The following CEP128 variants were observed in gnomAD, a reference collection of about 807,000 sequenced individuals.
CEP128 encodes the protein centrosomal protein 128kDa.
In CEP128, 132 loss-of-function variants were observed where a neutral mutation model predicts 156.7. The observed-to-expected ratio is 0.84, with a 90% CI of 0.73 to 0.97. CEP128 has a LOEUF of 0.97. CEP128 is among the 50% of genes least tolerant of loss of function. The pLI is 0.00. For synonymous variants in CEP128, 469 were observed against 448.9 expected (o/e 1.04, Z -0.57); for missense variants, 1,252 against 1,281.9 (o/e 0.98, Z 0.36).
chr14:80,643,882 T>C lies in CEP128; in HGVS notation c.2807-63459A>G, dbSNP rs79987362. Among the ~76,000 whole-genome samples the C allele has an allele frequency of 3.3e-5, 5 of 152,264 alleles. No individual in the cohort carries two copies. The East Asian group carries it at 9.7e-4, about 29-fold the overall frequency. Reference sequence around the variant, plus strand: ...GTGACTAGTGAACTCCCAAATTTCATGTCTATCTGGAATCTCAAAATGGGA... The same window carrying C: ...GTGACTAGTGAACTCCCAAATTTCACGTCTATCTGGAATCTCAAAATGGGA... On this transcript the variant is annotated intron_variant, in intron 19 of 24. Coordinates refer to ENST00000555265, the MANE Select transcript of CEP128 (RefSeq NM_152446.5).
At chr14:80,820,454 T>C (rs1178661779) in intron 13 of CEP128, among the ~76,000 whole-genome samples, 1 of 152,168 alleles carries the variant, frequency 6.6e-6, no homozygotes, top group Non-Finnish European at 1.5e-5. Context: ...TCTTTGTGAG[T>C]AGAGAAAGTG....
intron 19 of CEP128, among the ~76,000 whole-genome samples, chr14:80,715,735 T>C (rs190685175): frequency 1.0e-3 from 155 of 152,310 alleles, no homozygotes; most frequent in Admixed American, 3.4e-3. Context: ...TGATCTGCTT[T>C]ATGTAACAGC....
At chr14:80,870,727 T>C (rs550459255) in intron 8 of CEP128, among the ~76,000 whole-genome samples, 1 of 152,012 alleles carries the variant, frequency 6.6e-6, no homozygotes, top group South Asian at 2.1e-4. Flanking sequence ...TTCAACGTAG[T>C]ACTGAAGGTC....
intron 9 of CEP128, among the ~76,000 whole-genome samples, chr14:80,859,466 G>A (rs1422527067): frequency 6.6e-6 from 1 of 151,416 alleles, no homozygotes; most frequent in African/African-American, 2.4e-5. Flanking sequence ...GTTAGTGGGT[G>A]CAGCGCAGCA....
chr14:80,559,332 A>C, intron 20 of CEP128, 30 bp from the exon 21 acceptor site: 1 of 1,563,498 alleles, frequency 6.4e-7, no homozygotes, highest in Admixed American at 2.0e-5. Context: ...TATAATTATA[A>C]AACGAAGGCT....
At chr14:80,894,683 T>A (rs780302788) in intron 8 of CEP128, 1 of 393,292 alleles carries the variant, frequency 2.5e-6, no homozygotes, top group Non-Finnish European at 5.0e-6. Flanking sequence ...AAAAACTTAA[T>A]ACCAAAAACA....
intron 5 of CEP128, 90 bp downstream of exon 5, chr14:80,905,865 G>T: frequency 8.0e-7 from 1 of 1,247,268 alleles, no homozygotes; most frequent in Non-Finnish European, 1.1e-6. Context: ...ATGAAGTTAT[G>T]TGTGGGTCAT....
chr14:80,486,918 C>T (rs1306924959), downstream of CEP128, among the ~76,000 whole-genome samples: 1 of 152,086 alleles, frequency 6.6e-6, no homozygotes, highest in Non-Finnish European at 1.5e-5. Flanking sequence ...CCACTGCAAA[C>T]ACATGCAAAA....
rs1555364710 is a variant in CEP128 at position 80,933,324 on chromosome 14, C to CCTT, written c.-16+6060_-16+6061insAAG. 6.6e-3 allele frequency among the ~76,000 whole-genome samples: 1,007 copies of CCTT among 152,298 alleles called. 16 individuals are homozygous for CCTT. The highest frequency in any genetic ancestry group is 0.023 in the African/African-American group (959 of 41,540). On this transcript the variant is annotated intron_variant, in intron 2 of 24. Transcript: ENST00000555265. The stretch of plus-strand genomic sequence containing the variant: ...CACCATTCAGGGAGCTATAGCCACA[C>CCTT]CTCCAACAAGGTAGGAATCCCAGCC...
At chr14:80,830,122 T>G (rs915583980) in intron 13 of CEP128, 31 of 456,224 alleles carry the variant, frequency 6.8e-5, no homozygotes, top group Non-Finnish European at 1.1e-4. Context: ...ATAATACCCA[T>G]GAAGCAAACT....
intron 2 of CEP128, among the ~76,000 whole-genome samples, chr14:80,919,614 A>T (rs961348890): frequency 1.3e-5 from 2 of 152,156 alleles, no homozygotes; most frequent in African/African-American, 4.8e-5. Flanking sequence ...TATAAAACAC[A>T]CTGCACTGAA....
At chr14:80,511,261 T>G (rs907748358) in intron 23 of CEP128, among the ~76,000 whole-genome samples, 8 of 151,978 alleles carry the variant, frequency 5.3e-5, no homozygotes, top group African/African-American at 1.9e-4. Flanking sequence ...GGGAACCTTT[T>G]TATCATGGCT....
At chr14:80,855,423 A>G (rs144170017) in intron 9 of CEP128, among the ~76,000 whole-genome samples, 3 of 152,278 alleles carry the variant, frequency 2.0e-5, no homozygotes, top group Non-Finnish European at 4.4e-5. Context: ...CAAAGATTAG[A>G]GAGGCTGCTG....
chr14:80,782,693 T>C (rs1224630227), intron 15 of CEP128, among the ~76,000 whole-genome samples: 1 of 152,158 alleles, frequency 6.6e-6, no homozygotes, highest in Non-Finnish European at 1.5e-5. Context: ...GAATGCTATA[T>C]ACTCTTATTT....
At chr14:80,787,691 T>C (rs928365285) in intron 14 of CEP128, among the ~76,000 whole-genome samples, 4 of 151,986 alleles carry the variant, frequency 2.6e-5, no homozygotes, top group South Asian at 2.1e-4. Flanking sequence ...ACCTTCAATA[T>C]AGTGATATAT....
At chr14:80,594,420 T>A (rs1240550862) in intron 19 of CEP128, among the ~76,000 whole-genome samples, 1 of 152,096 alleles carries the variant, frequency 6.6e-6, no homozygotes, top group Non-Finnish European at 1.5e-5. Context: ...GGGCAAAGAC[T>A]TCATGACTAA....
intron 19 of CEP128, among the ~76,000 whole-genome samples, chr14:80,630,025 A>G (rs1893898202): frequency 6.6e-6 from 1 of 151,936 alleles, no homozygotes; most frequent in Non-Finnish European, 1.5e-5. Context: ...ATTTTAGGAT[A>G]TTTTAATTTT....
At chr14:80,498,053 T>A (rs1887573009) in intron 24 of CEP128, among the ~76,000 whole-genome samples, 1 of 152,212 alleles carries the variant, frequency 6.6e-6, no homozygotes, top group Non-Finnish European at 1.5e-5. Context: ...TATATCCAAC[T>A]GTCTGTGTGA....
rs144079777 is a variant in CEP128 at position 80,885,974 on chromosome 14, G to A, written c.645+9744C>T. 7.4e-3 allele frequency among the ~76,000 whole-genome samples: 1,122 copies of A among 152,008 alleles called. 17 individuals are homozygous for A. Among genetic ancestry groups the A allele is most frequent in the African/African-American group, 0.026 (1,058 of 41,454 alleles). The stretch of plus-strand genomic sequence containing the variant: ...CTGAAGAACACAGCATGAGAACTTC[G>A]CGAAGCATAGACAACTATCAATAGC... On this transcript the variant is annotated intron_variant, in intron 8 of 24. Coordinates refer to ENST00000555265, the MANE Select transcript of CEP128 (RefSeq NM_152446.5).
Sources: gnomAD v4.1 joint callset for allele counts (sites outside exome capture counted in the v4.1 genomes callset) on GRCh38, gnomAD v4.1.1 for gene constraint, MANE v1.5 for transcripts, NCBI Gene and HGNC (gene_info 2026-07-23, HGNC 2026-07-21) for gene names.